TANC2: variants seen among roughly 807,000 people sequenced by gnomAD.
TANC2 encodes protein TANC2.
Under a neutral mutation model 210.5 loss-of-function variants are expected in TANC2, and 26 were observed. The ratio of observed to expected loss-of-function variants is 0.12; its 90% CI spans 0.09 to 0.17. TANC2 has a LOEUF of 0.17. Ranked by LOEUF, TANC2 falls within the 10% of genes least tolerant of loss-of-function variation. TANC2 has a pLI of 1.00. For missense variants in TANC2, 2,129 were observed against 2,608.9 expected (o/e 0.82, Z 4.01); for synonymous variants, 931 against 967.1 (o/e 0.96, Z 0.69).
chr17:63,144,714 G>C (rs2039407009), intron 4 of TANC2, among the ~76,000 whole-genome samples: 1 of 152,052 alleles, frequency 6.6e-6, no homozygotes, highest in Non-Finnish European at 1.5e-5. Flanking sequence ...GAAATAACTA[G>C]AAAGATACTT....
intron 1 of TANC2, chr17:63,004,959 G>T (rs2033549920): frequency 1.0e-5 from 2 of 195,352 alleles, no homozygotes; most frequent in Non-Finnish European, 2.1e-5. Context: ...CTTCTCGTGG[G>T]CATGGTGGCA....
At chr17:63,296,295 A>T (rs1381152141) in intron 9 of TANC2, among the ~76,000 whole-genome samples, 1 of 152,182 alleles carries the variant, frequency 6.6e-6, no homozygotes, top group Non-Finnish European at 1.5e-5. Flanking sequence ...CTGTCAGATC[A>T]CTGGCTGACC....
At chr17:63,365,434 C>T (rs530895572) in intron 14 of TANC2, among the ~76,000 whole-genome samples, 1 of 152,274 alleles carries the variant, frequency 6.6e-6, no homozygotes, top group East Asian at 1.9e-4. Context: ...ATTACTTTCA[C>T]CTCTTGGTCT....
chr17:63,026,883 C>T (rs2034575858), intron 2 of TANC2, among the ~76,000 whole-genome samples: 1 of 152,060 alleles, frequency 6.6e-6, no homozygotes, highest in Admixed American at 6.6e-5. Context: ...GATTTATTCC[C>T]TGATCATCTA....
At chr17:62,977,113 A>C (rs62076587) in intron 1 of TANC2, among the ~76,000 whole-genome samples, 37,170 of 152,068 alleles carry the variant, frequency 0.24, 4,922 homozygotes, top group South Asian at 0.35. Context: ...GAGAGAATTA[A>C]ATTTATGTTC....
At chr17:63,061,657 C>G (rs1446947243) in intron 2 of TANC2, among the ~76,000 whole-genome samples, 2 of 151,806 alleles carry the variant, frequency 1.3e-5, no homozygotes, top group African/African-American at 2.4e-5. Context: ...CATATACATG[C>G]AGGGTTTTTT....
chr17:63,340,842 C>T lies in TANC2; in HGVS notation c.1807+510C>T, dbSNP rs533351388. Among the ~76,000 whole-genome samples, 9 of 152,164 alleles carry T rather than the reference C, an allele frequency of 5.9e-5. No individual in the cohort carries two copies. In the South Asian group the frequency reaches 6.2e-4, roughly 11 times the overall value. On this transcript the variant is annotated intron_variant, in intron 12 of 27. Transcript: ENST00000689528. ...ACTTAAGGGGCATAAGGGTATTTTA[C>T]GGTGCATAAATTGTATTATAGGAGA...
exon 28 of TANC2, chr17:63,423,379 G>A (rs1011800114): frequency 5.3e-5 from 8 of 152,178 alleles, no homozygotes; most frequent in African/African-American, 7.2e-5. Flanking sequence ...TTGAGTGAGC[G>A]AGGCCACTAT....
chr17:63,366,302 A>G (rs1312529235), intron 14 of TANC2, among the ~76,000 whole-genome samples: 1 of 152,100 alleles, frequency 6.6e-6, no homozygotes, highest in African/African-American at 2.4e-5. Flanking sequence ...GGGAATACAA[A>G]TACAAGTAAG....
At chr17:63,415,496 CTG>C (rs2048831205) in intron 25 of TANC2, 30 bp from the exon 26 acceptor site, 2 of 1,610,100 alleles carry the variant, frequency 1.2e-6, no homozygotes, top group Admixed American at 1.7e-5. Flanking sequence ...AGCAGACCAA[CTG>C]TGTGTTTCGC....
intron 16 of TANC2, 40 bp from the exon 17 acceptor site, chr17:63,389,268 C>T (rs770464883): frequency 6.0e-6 from 9 of 1,493,050 alleles, no homozygotes; most frequent in Non-Finnish European, 7.4e-6. Context: ...GGATGTGACT[C>T]CTGTTTGTCT....
At chr17:63,258,676 G>A (rs1221994132) in intron 8 of TANC2, among the ~76,000 whole-genome samples, 2 of 152,066 alleles carry the variant, frequency 1.3e-5, no homozygotes, top group South Asian at 4.2e-4. Context: ...AGGCCCAAGA[G>A]CTCTTCATTC....
intron 2 of TANC2, among the ~76,000 whole-genome samples, chr17:63,032,179 A>G (rs1313244543): frequency 2.0e-5 from 3 of 152,154 alleles, no homozygotes; most frequent in African/African-American, 2.4e-5. Flanking sequence ...TGAGTTTTGT[A>G]TGTTATAGTC....
intron 2 of TANC2, among the ~76,000 whole-genome samples, chr17:63,020,795 C>T (rs73339696): frequency 0.021 from 3,193 of 152,240 alleles, 105 homozygotes; most frequent in African/African-American, 0.071. Context: ...GCTCACAGTT[C>T]TGCAGGCTGT....
intron 8 of TANC2, among the ~76,000 whole-genome samples, chr17:63,256,317 C>A (rs967732286): frequency 6.6e-6 from 1 of 152,158 alleles, no homozygotes; most frequent in African/African-American, 2.4e-5. Context: ...TAATTTGTTT[C>A]AAGAAATCTG....
At chr17:63,340,320 A>G (rs966639090) in exon 12 of TANC2, 1 of 1,613,724 alleles carries the variant, frequency 6.2e-7, no homozygotes, top group East Asian at 2.2e-5. Flanking sequence ...GCCACTAGAA[A>G]ATCTCCATAA....
chr17:63,140,393 T>C (rs1000400372), intron 4 of TANC2, among the ~76,000 whole-genome samples: 5 of 152,232 alleles, frequency 3.3e-5, no homozygotes, highest in East Asian at 1.9e-4. Context: ...CCAACAAATG[T>C]TGGCAACTCT....
chr17:63,316,958 A>T lies in TANC2; in HGVS notation c.1442-1999A>T, dbSNP rs574321818. The stretch of plus-strand genomic sequence containing the variant: ...TTTACAGAATATAAGTTATTAATAT[A>T]AGTTATTATATTAAACTTAATATAA... On this transcript the variant is annotated intron_variant, in intron 10 of 27. Transcript: ENST00000689528. 4.2e-3 allele frequency among the ~76,000 whole-genome samples: 641 copies of T among 151,224 alleles called. 6 individuals carry two copies. The highest frequency in any genetic ancestry group is 0.014 in the African/African-American group (557 of 41,216).
intron 7 of TANC2, among the ~76,000 whole-genome samples, chr17:63,225,732 C>A (rs2042310411): frequency 6.6e-6 from 1 of 152,140 alleles, no homozygotes; most frequent in African/African-American, 2.4e-5. Flanking sequence ...TTTTTCATCT[C>A]CTTTGTCATT....
Sources: allele counts gnomAD v4.1 joint callset (sites outside exome capture counted in the v4.1 genomes callset), GRCh38; gene constraint gnomAD v4.1.1; transcripts MANE v1.5; gene names NCBI Gene and HGNC (gene_info 2026-07-23, HGNC 2026-07-21).